The following RBIS variants were observed in gnomAD, a reference collection of about 807,000 sequenced individuals.
The protein encoded by RBIS is ribosome biogenesis factor identified in screen.
Under a neutral mutation model 9.8 loss-of-function variants are expected in RBIS, and 9 were observed. That is an observed-to-expected ratio of 0.92 (90% CI 0.56 to 1.61). The LOEUF is 1.61. Ranked by LOEUF, RBIS falls within the 40% of genes most tolerant of loss-of-function variation. The pLI, the probability that RBIS is intolerant of heterozygous loss-of-function variation, is 0.00. For missense variants in RBIS, 103 were observed against 116.0 expected (o/e 0.89, Z 0.51); for synonymous variants, 35 against 37.9 (o/e 0.92, Z 0.28).
rs943156908 is a variant in RBIS at position 85,220,345 on chromosome 8, G to A, written c.-43C>T. ...TTGCGTGCAGCTTTTTAAGCTCCAG[G>A]TAACACCATCTGGCACGTACGGCGT... On this transcript the variant is annotated 5_prime_UTR_variant, in exon 1 of 4. Coordinates refer to ENST00000619594, the MANE Select transcript of RBIS (RefSeq NM_001099673.3). 7.2e-5 allele frequency: 11 copies of A among 152,244 alleles called. No individual in the cohort carries two copies. The highest frequency in any genetic ancestry group is 2.7e-4 in the African/African-American group (11 of 41,450). 9.4% of individuals were successfully genotyped at this position (152,244 alleles called of 1,614,324 possible). A position where few individuals can be genotyped will look rare whatever the true frequency, so the allele number is the denominator to read the frequency against.
At chr8:85,215,598 G>C (rs1402940433) in intron 2 of RBIS, 3 of 152,240 alleles carry the variant, frequency 2.0e-5, no homozygotes, top group Non-Finnish European at 4.4e-5. Context: ...GGTTCAAAGA[G>C]CTTCTGGATA....
chr8:85,217,132 T>C (rs1813182670), intron 2 of RBIS: 1 of 601,992 alleles, frequency 1.7e-6, no homozygotes, highest in Admixed American at 3.1e-5. Context: ...TATGGTTCAG[T>C]AAAACTATTA....
intron 2 of RBIS, chr8:85,216,852 T>C (rs1447465560): frequency 6.5e-6 from 1 of 154,504 alleles, no homozygotes; most frequent in Non-Finnish European, 1.4e-5. Context: ...TTAAAAATTT[T>C]TCTTAAATCT....
chr8:85,214,796 G>A (rs1813068769), intron 3 of RBIS, 125 bp downstream of exon 3: 1 of 727,366 alleles, frequency 1.4e-6, no homozygotes, highest in South Asian at 1.6e-5. Context: ...TTATACTATA[G>A]AGCCTAGTAC....
chr8:85,218,248 TAAG>T (rs1386872348), intron 1 of RBIS, among the ~76,000 whole-genome samples: 1 of 152,142 alleles, frequency 6.6e-6, no homozygotes, highest in Non-Finnish European at 1.5e-5. Flanking sequence ...CAACCCTTTG[TAAG>T]AAGTACTATT....
intron 2 of RBIS, chr8:85,217,130 A>G (rs189447567): frequency 1.7e-6 from 1 of 601,582 alleles, no homozygotes; most frequent in Admixed American, 3.1e-5. Flanking sequence ...TCTATGGTTC[A>G]GTAAAACTAT....
chr8:85,216,179 C>T (rs1462941330), intron 2 of RBIS: 1 of 152,194 alleles, frequency 6.6e-6, no homozygotes, highest in Non-Finnish European at 1.5e-5. Context: ...TACAAGAAAC[C>T]TGGATCAAAT....
In RBIS at chr8:85,214,532, G is replaced by A. The variant is rs773228144; in HGVS notation, c.*28C>T. 9 of 1,398,690 alleles carry A rather than the reference G, an allele frequency of 6.4e-6. 1 individual carries two copies. In the South Asian group the frequency reaches 8.4e-5, roughly 13 times the overall value. The allele number at this position is 1,398,690 out of a possible 1,614,324, so 86.6% of individuals were successfully genotyped here. On this transcript the variant is annotated 3_prime_UTR_variant, in exon 4 of 4. Transcript: ENST00000619594. The stretch of plus-strand genomic sequence containing the variant: ...TAAAACATTCAATTTATTGGTCTTT[G>A]TGGAGAATTAGATGCATCACCAGTA...
At chr8:85,218,374 A>G (rs1281426815) in intron 1 of RBIS, among the ~76,000 whole-genome samples, 1 of 152,058 alleles carries the variant, frequency 6.6e-6, no homozygotes, top group East Asian at 1.9e-4. Flanking sequence ...GGCAGACTAG[A>G]TCAGAGCTAA....
In RBIS at chr8:85,214,916, C is replaced by T; in HGVS notation, c.231+5G>A. 6.8e-7 allele frequency: 1 copy of T among 1,463,796 alleles called. No individual in the cohort carries two copies. Among genetic ancestry groups the T allele is most frequent in the Non-Finnish European group, 9.4e-7 (1 of 1,061,602 alleles). The allele number at this position is 1,463,796 out of a possible 1,614,324, so 90.7% of individuals were successfully genotyped here. A position where few individuals can be genotyped will look rare whatever the true frequency, so the allele number is the denominator to read the frequency against. ...CATAAAAAAAAGCAAATGATTTCTG[C>T]TTACCAGTTCTTTCTGCAGAGGTTC... On this transcript the variant is annotated splice_donor_5th_base_variant and intron_variant, in intron 3 of 3. Transcript: ENST00000619594.
intron 2 of RBIS, chr8:85,216,871 T>C (rs1435018109): frequency 1.9e-5 from 3 of 155,720 alleles, no homozygotes; most frequent in Non-Finnish European, 4.2e-5. Context: ...CTTGTAGAAA[T>C]TTCTCAGGTA....
intron 1 of RBIS, among the ~76,000 whole-genome samples, chr8:85,220,104 G>T (rs80341782): frequency 6.6e-6 from 1 of 152,070 alleles, no homozygotes; most frequent in Admixed American, 6.5e-5. Flanking sequence ...GAAAGACACA[G>T]CCCAAAACTG....
chr8:85,214,769 G>C lies in RBIS; in HGVS notation c.232-138C>G, dbSNP rs1813067962. 5.3e-6 allele frequency: 4 copies of C among 754,738 alleles called. No homozygotes were observed. The Admixed American group carries it at 1.0e-4, about 19-fold the overall frequency. 46.8% of individuals were successfully genotyped at this position (754,738 alleles called of 1,614,324 possible). A position where few individuals can be genotyped will look rare whatever the true frequency, so the allele number is the denominator to read the frequency against. On this transcript the variant is annotated intron_variant, in intron 3 of 3. Transcript: ENST00000619594. Reference sequence around the variant, plus strand: ...ATCTGTATATTCTGACAATGTTTTAGAGTCTGAATATGCTATTTATACTAT... The same window carrying C: ...ATCTGTATATTCTGACAATGTTTTACAGTCTGAATATGCTATTTATACTAT...
chr8:85,215,253 G>T (rs1025360641), intron 2 of RBIS: 1 of 275,062 alleles, frequency 3.6e-6, no homozygotes, highest in Non-Finnish European at 6.8e-6. Flanking sequence ...CACACTTATG[G>T]TTCAGAAGGC....
rs1182961008 is a variant in RBIS, at chr8:85,214,461, G to A, written c.*99C>T. 1.2e-6 allele frequency: 1 copy of A among 813,276 alleles called. No homozygotes were observed. The highest frequency in any genetic ancestry group is 1.8e-5 in the African/African-American group (1 of 57,100). 50.4% of individuals were successfully genotyped at this position (813,276 alleles called of 1,614,324 possible). ...TGTTTATGTAGTTTGTTTTTAAAAT[G>A]TGCCAATGCCTGTACATTAACAAGA... On this transcript the variant is annotated 3_prime_UTR_variant, in exon 4 of 4. Coordinates refer to ENST00000619594, the MANE Select transcript of RBIS (RefSeq NM_001099673.3).
Position 85,214,577 on chromosome 8 carries a change from A to G in RBIS, c.286T>C (p.Leu96=). Residue 96 remains leucine (L), a synonymous_variant, in exon 4 of 4, where the codon TTA becomes CTA. Coordinates refer to ENST00000619594, the MANE Select transcript of RBIS (RefSeq NM_001099673.3). ...KPVNVDEATR[L]MALL is the part of the protein sequence containing the mutation. The stretch of plus-strand genomic sequence containing the variant: ...CCAGTATATTACAACAGAGCCATTA[A>G]TCTTGTAGCTTCATCAACATTAACT... The G allele has an allele frequency of 6.3e-7, 1 of 1,575,894 alleles. No homozygotes were observed. The highest frequency in any genetic ancestry group is 8.7e-7 in the Non-Finnish European group (1 of 1,145,852).
intron 2 of RBIS, chr8:85,217,180 T>G (rs1813184631): frequency 1.6e-6 from 1 of 641,188 alleles, no homozygotes; most frequent in Admixed American, 2.8e-5. Context: ...AAATGTTTAT[T>G]TCTTTTCAAC....
intron 2 of RBIS, 51 bp from the exon 3 acceptor site, chr8:85,215,088 TA>T: frequency 1.4e-6 from 1 of 719,372 alleles, no homozygotes; most frequent in Non-Finnish European, 2.3e-6. Context: ...CCATTAAAGA[TA>T]AGATATATTC....
chr8:85,218,853 A>G (rs1813248775), intron 1 of RBIS: 1 of 152,234 alleles, frequency 6.6e-6, no homozygotes. Context: ...TTAATTAAAA[A>G]ATAAAGTTTA....
Sources: gnomAD v4.1 joint callset for allele counts (sites outside exome capture counted in the v4.1 genomes callset) on GRCh38, gnomAD v4.1.1 for gene constraint, MANE v1.5 for transcripts, NCBI Gene and HGNC (gene_info 2026-07-23, HGNC 2026-07-21) for gene names.